Variants in SPAG16 observed in about 807,000 individuals in gnomAD.
SPAG16 encodes the protein sperm associated antigen 16.
SPAG16 carries 86 observed loss-of-function variants against 80.4 expected under a neutral mutation model. The ratio of observed to expected loss-of-function variants is 1.07; its 90% CI spans 0.90 to 1.28. The LOEUF is 1.28. SPAG16 is among the 50% of genes most tolerant of loss of function. SPAG16 has a pLI of 0.00. For synonymous variants in SPAG16, 294 were observed against 265.9 expected (o/e 1.11, Z -1.03); for missense variants, 870 against 765.3 (o/e 1.14, Z -1.61).
At chr2:213,730,201 T>A (rs1195114762) in intron 10 of SPAG16, among the ~76,000 whole-genome samples, 1 of 152,168 alleles carries the variant, frequency 6.6e-6, no homozygotes, top group African/African-American at 2.4e-5. Flanking sequence ...AGACATTGAG[T>A]CAATCTCACT....
At chr2:213,480,084 G>C (rs2125693843) in intron 9 of SPAG16, among the ~76,000 whole-genome samples, 1 of 152,266 alleles carries the variant, frequency 6.6e-6, no homozygotes, top group South Asian at 2.1e-4. Flanking sequence ...TGCATTATCA[G>C]AAAGAAGATA....
chr2:214,336,564 TA>T (rs1697304557), intron 15 of SPAG16, among the ~76,000 whole-genome samples: 1 of 152,112 alleles, frequency 6.6e-6, no homozygotes, highest in South Asian at 2.1e-4. Context: ...TATATAAATA[TA>T]ATAGCCAGTA....
At chr2:214,194,315 A>G (rs966110165) in intron 15 of SPAG16, among the ~76,000 whole-genome samples, 1 of 152,114 alleles carries the variant, frequency 6.6e-6, no homozygotes, top group East Asian at 1.9e-4. Context: ...AAGTATATGC[A>G]CTAATACACA....
intron 9 of SPAG16, among the ~76,000 whole-genome samples, chr2:213,379,912 A>G (rs1316274760): frequency 2.0e-5 from 3 of 152,120 alleles, no homozygotes; most frequent in Non-Finnish European, 4.4e-5. Flanking sequence ...AAAGAGGCTG[A>G]GTGGTGTCCA....
intron 12 of SPAG16, among the ~76,000 whole-genome samples, chr2:213,942,940 C>T (rs187737624): frequency 1.7e-4 from 26 of 152,164 alleles, no homozygotes; most frequent in African/African-American, 5.8e-4. Context: ...GTAGAGCCCT[C>T]GTGAATGAGA....
At chr2:213,341,518 ATTTC>A (rs1207245444) in intron 6 of SPAG16, among the ~76,000 whole-genome samples, 2 of 151,848 alleles carry the variant, frequency 1.3e-5, no homozygotes, top group Non-Finnish European at 2.9e-5. Flanking sequence ...ATTTTACAGT[ATTTC>A]TTTGTTTGTT....
At chr2:214,053,752 A>G (rs1373008283) in intron 13 of SPAG16, among the ~76,000 whole-genome samples, 1 of 152,232 alleles carries the variant, frequency 6.6e-6, no homozygotes. Context: ...TAGCTTGACC[A>G]GACTCACACA....
At chr2:214,337,580 A>G (rs2126023688) in intron 15 of SPAG16, among the ~76,000 whole-genome samples, 1 of 152,306 alleles carries the variant, frequency 6.6e-6, no homozygotes, top group Non-Finnish European at 1.5e-5. Context: ...TACCATTCTG[A>G]TATTCTAGGG....
intron 10 of SPAG16, among the ~76,000 whole-genome samples, chr2:213,562,113 C>G (rs962488845): frequency 6.6e-6 from 1 of 152,152 alleles, no homozygotes; most frequent in East Asian, 1.9e-4. Flanking sequence ...AATGGCCAGA[C>G]GATTGAATAT....
chr2:213,294,598 T>G lies in SPAG16; in HGVS notation c.137-1466T>G, dbSNP rs116621592. On this transcript the variant is annotated intron_variant, in intron 1 of 15. Coordinates refer to ENST00000331683, the MANE Select transcript of SPAG16 (RefSeq NM_024532.5). ...TTATTAGGAGAGGCACTTATTCATG[T>G]TTTACAATAAAATACTGACCTTTTG... is the stretch of plus-strand genomic sequence containing the variant. Among the ~76,000 whole-genome samples the G allele has an allele frequency of 9.2e-3, 1,406 of 152,292 alleles. 20 individuals are homozygous for G. The highest frequency in any genetic ancestry group is 0.013 in the Non-Finnish European group (858 of 68,002).
chr2:213,635,252 G>A lies in SPAG16; in HGVS notation c.1070+145162G>A, dbSNP rs145214611. On this transcript the variant is annotated intron_variant, in intron 10 of 15. Coordinates refer to ENST00000331683, the MANE Select transcript of SPAG16 (RefSeq NM_024532.5). ...GGGTTTCACCATGCTAGCCAGGATG[G>A]TCTCGATCTCCTGACCTTGTGATCT... Among the ~76,000 whole-genome samples, 1,172 of 152,062 alleles carry A rather than the reference G, an allele frequency of 7.7e-3. 16 individuals carry two copies. The highest frequency in any genetic ancestry group is 0.027 in the African/African-American group (1,122 of 41,456).
Position 213,510,811 on chromosome 2 carries a change from T to G in SPAG16, c.1070+20721T>G, listed in dbSNP as rs534015558. Among the ~76,000 whole-genome samples, 148 of 152,304 alleles carry G rather than the reference T, an allele frequency of 9.7e-4. 1 individual carries two copies. Among genetic ancestry groups the G allele is most frequent in the African/African-American group, 3.3e-3 (138 of 41,582 alleles). On this transcript the variant is annotated intron_variant, in intron 10 of 15. Coordinates refer to ENST00000331683, the MANE Select transcript of SPAG16 (RefSeq NM_024532.5). ...TAGTAAATACTTAATGGAATATACC[T>G]ATGTTTACCTAGTTATAATTAATAT... is the stretch of plus-strand genomic sequence containing the variant.
chr2:214,127,204 A>T (rs1413169663), intron 14 of SPAG16, among the ~76,000 whole-genome samples: 1 of 151,704 alleles, frequency 6.6e-6, no homozygotes, highest in African/African-American at 2.4e-5. Flanking sequence ...AAAAGGACTG[A>T]CTTCCTCCCT....
intron 13 of SPAG16, among the ~76,000 whole-genome samples, chr2:214,100,290 T>C (rs58446753): frequency 0.018 from 2,767 of 152,226 alleles, 88 homozygotes; most frequent in African/African-American, 0.063. Context: ...TTTATAGCAG[T>C]GTGAAAATGG....
chr2:213,482,203 C>A (rs2125700305), intron 9 of SPAG16, among the ~76,000 whole-genome samples: 1 of 152,298 alleles, frequency 6.6e-6, no homozygotes, highest in Non-Finnish European at 1.5e-5. Context: ...AGTTCCTGCC[C>A]CATACTTTCA....
intron 10 of SPAG16, among the ~76,000 whole-genome samples, chr2:213,700,826 A>C (rs771505633): frequency 4.6e-5 from 7 of 152,300 alleles, no homozygotes; most frequent in Non-Finnish European, 8.8e-5. Flanking sequence ...GATATTCTCT[A>C]TCATTGTTTT....
At chr2:214,245,183 T>C (rs961900113) in intron 15 of SPAG16, among the ~76,000 whole-genome samples, 1 of 152,206 alleles carries the variant, frequency 6.6e-6, no homozygotes, top group African/African-American at 2.4e-5. Flanking sequence ...TTATTCTGAC[T>C]ATACAGCAGC....
At chr2:214,115,725 A>G (rs1008469545) in intron 14 of SPAG16, among the ~76,000 whole-genome samples, 3 of 152,078 alleles carry the variant, frequency 2.0e-5, no homozygotes, top group Non-Finnish European at 4.4e-5. Flanking sequence ...AAAATACAAA[A>G]AAATTAGCCA....
In SPAG16 at chr2:214,074,569, A is replaced by C. The variant is rs908567462; in HGVS notation, c.1528-33627A>C. ...GAAAGAGAAGATAGAAACACTTTCAATTATCAAAATCAAGAAATTCCATTC... is the reference window on the plus strand; with the variant it reads ...GAAAGAGAAGATAGAAACACTTTCACTTATCAAAATCAAGAAATTCCATTC... On this transcript the variant is annotated intron_variant, in intron 13 of 15. Transcript: ENST00000331683. Among the ~76,000 whole-genome samples, 5 of 152,304 alleles carry C rather than the reference A, an allele frequency of 3.3e-5. No homozygotes were observed. In the South Asian group the frequency reaches 1.0e-3, roughly 32 times the overall value.
Sources: allele counts gnomAD v4.1 joint callset (sites outside exome capture counted in the v4.1 genomes callset), GRCh38; gene constraint gnomAD v4.1.1; transcripts MANE v1.5; gene names NCBI Gene and HGNC (gene_info 2026-07-23, HGNC 2026-07-21).